DNAI7: variants seen among roughly 807,000 people sequenced by gnomAD.
DNAI7 encodes the protein cancer susceptibility 1.
A neutral mutation model predicts 86.6 loss-of-function variants in DNAI7; 78 were observed. That is an observed-to-expected ratio of 0.90 (90% CI 0.75 to 1.09). DNAI7 has a LOEUF of 1.09. Ranked by LOEUF, DNAI7 falls within the 50% of genes least tolerant of loss-of-function variation. The pLI is 0.00. For missense variants in DNAI7, 753 were observed against 810.2 expected (o/e 0.93, Z 0.86); for synonymous variants, 274 against 273.0 (o/e 1.00, Z -0.04).
intron 9 of DNAI7, among the ~76,000 whole-genome samples, chr12:25,138,158 G>A (rs1054539738): frequency 2.0e-5 from 3 of 152,088 alleles, no homozygotes; most frequent in African/African-American, 7.2e-5. Flanking sequence ...CACAAAACAA[G>A]TCTCAATAAA....
chr12:25,153,618 A>C (rs1034080467), intron 6 of DNAI7, among the ~76,000 whole-genome samples: 2 of 152,148 alleles, frequency 1.3e-5, no homozygotes, highest in Admixed American at 1.3e-4. Context: ...TATGTACTCT[A>C]GGCTTTGCCT....
intron 6 of DNAI7, among the ~76,000 whole-genome samples, chr12:25,150,324 G>A (rs1592438803): frequency 6.6e-6 from 1 of 151,998 alleles, no homozygotes. Context: ...AATAATGGAG[G>A]CCGGGCGCAG....
At chr12:25,192,939 G>C (rs1275729703) in intron 1 of DNAI7, 1 of 151,680 alleles carries the variant, frequency 6.6e-6, no homozygotes, top group Non-Finnish European at 1.5e-5. Flanking sequence ...CTTGAGCCCA[G>C]GAGTTTGAGG....
downstream of DNAI7, chr12:25,107,908 C>CTGTT (rs748525896): frequency 9.3e-6 from 15 of 1,614,052 alleles, no homozygotes; most frequent in East Asian, 1.8e-4. Flanking sequence ...ATTCATTGTA[C>CTGTT]TGTTTGCAGC....
intron 9 of DNAI7, among the ~76,000 whole-genome samples, chr12:25,138,078 C>T (rs1943754733): frequency 1.3e-5 from 2 of 152,012 alleles, no homozygotes; most frequent in South Asian, 4.1e-4. Context: ...TCTACTCAAC[C>T]ACTGCAGAAT....
chr12:25,166,873 C>G (rs1947543208), intron 2 of DNAI7, among the ~76,000 whole-genome samples: 1 of 152,144 alleles, frequency 6.6e-6, no homozygotes, highest in Non-Finnish European at 1.5e-5. Flanking sequence ...CTCATAACTT[C>G]CAAAATCTAT....
At chr12:25,133,679 G>C (rs2140656934) in intron 9 of DNAI7, among the ~76,000 whole-genome samples, 1 of 152,342 alleles carries the variant, frequency 6.6e-6, no homozygotes, top group South Asian at 2.1e-4. Context: ...GGGGTTTTCA[G>C]CAGAAGGATA....
At chr12:25,172,828 A>G (rs766066081) in intron 2 of DNAI7, among the ~76,000 whole-genome samples, 10 of 152,202 alleles carry the variant, frequency 6.6e-5, no homozygotes, top group Non-Finnish European at 1.2e-4. Context: ...TCTTCGACAA[A>G]GCAAACAAAA....
chr12:25,156,545 G>C (rs1327770458), intron 4 of DNAI7, among the ~76,000 whole-genome samples: 1 of 152,040 alleles, frequency 6.6e-6, no homozygotes, highest in Admixed American at 6.6e-5. Flanking sequence ...ACAAGGTCAG[G>C]AGAGTTCGAG....
intron 15 of DNAI7, among the ~76,000 whole-genome samples, chr12:25,109,388 T>C (rs952242606): frequency 5.3e-5 from 8 of 151,322 alleles, no homozygotes; most frequent in African/African-American, 1.9e-4. Context: ...AAGCCTCCAT[T>C]TGTTGTTTTT....
intron 2 of DNAI7, among the ~76,000 whole-genome samples, chr12:25,176,768 A>T (rs10771181): frequency 0.81 from 123,311 of 151,772 alleles, 50,191 homozygotes; most frequent in East Asian, 0.9. Flanking sequence ...ATAGTTTTCT[A>T]ACGTATATAT....
intron 9 of DNAI7, among the ~76,000 whole-genome samples, chr12:25,137,642 C>T (rs1244369955): frequency 6.6e-6 from 1 of 152,020 alleles, no homozygotes; most frequent in African/African-American, 2.4e-5. Context: ...CTGTTGTCTC[C>T]AAGAGACTCA....
At chr12:25,107,187 A>G (rs2140287068), downstream of DNAI7, 2 of 435,856 alleles carry the variant, frequency 4.6e-6, no homozygotes, top group Non-Finnish European at 8.4e-6. Flanking sequence ...CAAACTTTGT[A>G]TGTCAGGTTA....
At chr12:25,164,860 C>A (rs985491157) in intron 2 of DNAI7, among the ~76,000 whole-genome samples, 20 of 150,778 alleles carry the variant, frequency 1.3e-4, no homozygotes, top group Non-Finnish European at 2.2e-4. Context: ...CACTCCTCCA[C>A]CCTATAATCA....
downstream of DNAI7, chr12:25,107,050 T>TGTAA (rs780153317): frequency 9.7e-6 from 15 of 1,543,528 alleles, no homozygotes; most frequent in Middle Eastern, 3.4e-4. Flanking sequence ...GTCTCTTCAG[T>TGTAA]GTAAGTTATC....
rs115099251 is a variant in DNAI7 at position 25,177,557 on chromosome 12, A to T, written c.21+13057T>A. On this transcript the variant is annotated intron_variant, in intron 2 of 15. Transcript: ENST00000395987. ...CCATTGATTTATTTATCCTTTTTCT[A>T]TTGCTAGACATTGGATTGTTTCTGG... Among the ~76,000 whole-genome samples, 941 of 152,106 alleles carry T rather than the reference A, an allele frequency of 6.2e-3. 9 individuals carry two copies. Among genetic ancestry groups the T allele is most frequent in the African/African-American group, 0.021 (880 of 41,472 alleles).
At chr12:25,158,057 A>G (rs957468354) in intron 4 of DNAI7, among the ~76,000 whole-genome samples, 9 of 152,006 alleles carry the variant, frequency 5.9e-5, no homozygotes, top group Admixed American at 2.0e-4. Flanking sequence ...GTGAAACCCT[A>G]TCTCTACTAA....
chr12:25,171,567 A>C (rs1182867223), intron 2 of DNAI7, among the ~76,000 whole-genome samples: 1 of 152,316 alleles, frequency 6.6e-6, no homozygotes, highest in Non-Finnish European at 1.5e-5. Context: ...TACCAATTCT[A>C]TTGACACTAT....
chr12:25,123,337 C>CACAA, intron 9 of DNAI7, 51 bp from the exon 10 acceptor site: 1 of 1,231,466 alleles, frequency 8.1e-7, no homozygotes, highest in Non-Finnish European at 1.1e-6. Flanking sequence ...CTACATAGTA[C>CACAA]AGTCATTGTC....
Sources: gnomAD v4.1 joint callset for allele counts (sites outside exome capture counted in the v4.1 genomes callset) on GRCh38, gnomAD v4.1.1 for gene constraint, MANE v1.5 for transcripts, NCBI Gene and HGNC (gene_info 2026-07-23, HGNC 2026-07-21) for gene names.